Variants in MAML3 observed in about 807,000 individuals in gnomAD.
The protein encoded by MAML3 is mastermind like transcriptional coactivator 3.
MAML3 carries 27 observed loss-of-function variants against 101.9 expected under a neutral mutation model. The ratio of observed to expected loss-of-function variants is 0.27; its 90% CI spans 0.20 to 0.37. The LOEUF (loss-of-function observed/expected upper bound fraction) is 0.37. Ranked by LOEUF, MAML3 falls within the 10% of genes least tolerant of loss-of-function variation. MAML3 has a pLI of 1.00. For missense variants in MAML3, 1,316 were observed against 1,444.9 expected (o/e 0.91, Z 1.45); for synonymous variants, 501 against 555.9 (o/e 0.90, Z 1.39).
At chr4:139,823,788 G>A (rs1033620735) in intron 2 of MAML3, among the ~76,000 whole-genome samples, 3 of 150,268 alleles carry the variant, frequency 2.0e-5, no homozygotes, top group African/African-American at 7.4e-5. Context: ...TTTTTTATCC[G>A]CTCACAGATT....
intron 1 of MAML3, among the ~76,000 whole-genome samples, chr4:140,013,525 A>C (rs913483845): frequency 1.3e-5 from 2 of 152,232 alleles, no homozygotes; most frequent in African/African-American, 4.8e-5. Context: ...TTTTCAAGAA[A>C]AAATATACAC....
At chr4:139,929,338 A>G (rs1733332313) in intron 1 of MAML3, among the ~76,000 whole-genome samples, 1 of 152,254 alleles carries the variant, frequency 6.6e-6, no homozygotes, top group Admixed American at 6.5e-5. Flanking sequence ...GGTTGCGGTT[A>G]GCCATTGGCA....
At chr4:139,935,595 C>T (rs760564295) in intron 1 of MAML3, among the ~76,000 whole-genome samples, 5 of 150,888 alleles carry the variant, frequency 3.3e-5, no homozygotes, top group East Asian at 1.9e-4. Context: ...CTTTATCTAA[C>T]ACTTATTCTC....
intron 2 of MAML3, among the ~76,000 whole-genome samples, chr4:139,757,435 A>C (rs1415773894): frequency 6.6e-6 from 1 of 152,082 alleles, no homozygotes; most frequent in Non-Finnish European, 1.5e-5. Context: ...GGATCACCTG[A>C]GGTCAGGAGT....
intron 1 of MAML3, among the ~76,000 whole-genome samples, chr4:140,074,503 C>T (rs933744481): frequency 6.6e-6 from 1 of 152,092 alleles, no homozygotes; most frequent in African/African-American, 2.4e-5. Flanking sequence ...TTGTGAGTGC[C>T]AACATGATGC....
chr4:139,781,198 T>C (rs888990553), intron 2 of MAML3, among the ~76,000 whole-genome samples: 9 of 152,104 alleles, frequency 5.9e-5, no homozygotes, highest in Admixed American at 5.9e-4. Flanking sequence ...AAAATAGAGT[T>C]GCAGAGGAAA....
chr4:139,877,670 C>T (rs1245098088), intron 2 of MAML3, among the ~76,000 whole-genome samples: 1 of 152,150 alleles, frequency 6.6e-6, no homozygotes, highest in East Asian at 1.9e-4. Flanking sequence ...TGGCTCAATG[C>T]TGCGAAAACT....
At chr4:139,978,041 G>A (rs1734378620) in intron 1 of MAML3, among the ~76,000 whole-genome samples, 1 of 152,204 alleles carries the variant, frequency 6.6e-6, no homozygotes. Context: ...ACTGATGGGA[G>A]GGGAAGTGGT....
chr4:139,926,845 C>T (rs1362836807), intron 1 of MAML3, among the ~76,000 whole-genome samples: 4 of 152,142 alleles, frequency 2.6e-5, no homozygotes, highest in African/African-American at 9.7e-5. Context: ...AGAACTTCAC[C>T]ATCTTTTCCA....
chr4:140,090,994 A>G (rs12645451), intron 1 of MAML3, among the ~76,000 whole-genome samples: 142,978 of 152,176 alleles, frequency 0.94, 67,798 homozygotes, highest in East Asian at 1. Flanking sequence ...AGGTTGCAGT[A>G]AGCCAAGGTT....
intron 1 of MAML3, among the ~76,000 whole-genome samples, chr4:140,110,081 G>A (rs527273170): frequency 2.6e-4 from 39 of 152,352 alleles, no homozygotes; most frequent in Non-Finnish European, 4.3e-4. Context: ...CCGCCTGTGC[G>A]TGAACTGTCC....
chr4:139,739,559 T>G (rs992078430), intron 2 of MAML3, among the ~76,000 whole-genome samples: 1 of 152,134 alleles, frequency 6.6e-6, no homozygotes, highest in South Asian at 2.1e-4. Flanking sequence ...ATTAAATAAA[T>G]TATGGTACAT....
intron 1 of MAML3, among the ~76,000 whole-genome samples, chr4:140,034,278 ATAAATG>A (rs1210866212): frequency 1.3e-5 from 2 of 152,258 alleles, no homozygotes; most frequent in African/African-American, 4.8e-5. Flanking sequence ...TTAATTCCTT[ATAAATG>A]AACATCTGAT....
At position 139,729,448 on chromosome 4, in the gene MAML3, C is replaced by T. The variant is rs540261643; in HGVS notation, c.2331+968G>A. ...CAGCCTGGTCAACATAGTGCGACCC[C>T]GTCTCTATTTCTTTAAGAAAAAATT... On this transcript the variant is annotated intron_variant, in intron 3 of 4. Transcript: ENST00000509479. Among the ~76,000 whole-genome samples, 18 of 152,202 alleles carry T rather than the reference C, an allele frequency of 1.2e-4. No homozygotes were observed. In the East Asian group the frequency reaches 3.3e-3, roughly 28 times the overall value.
intron 2 of MAML3, among the ~76,000 whole-genome samples, chr4:139,789,371 G>A (rs766237711): frequency 5.3e-5 from 8 of 152,188 alleles, no homozygotes; most frequent in Admixed American, 1.3e-4. Context: ...CACAAAGGGT[G>A]TTGGAGCTGA....
intron 2 of MAML3, among the ~76,000 whole-genome samples, chr4:139,881,771 C>T (rs145408678): frequency 8.5e-5 from 13 of 152,236 alleles, no homozygotes; most frequent in East Asian, 1.9e-4. Flanking sequence ...GTGCGATCTC[C>T]GCTCACTGCA....
At chr4:140,089,361 T>C (rs941624225) in intron 1 of MAML3, among the ~76,000 whole-genome samples, 2 of 152,216 alleles carry the variant, frequency 1.3e-5, no homozygotes, top group Non-Finnish European at 2.9e-5. Flanking sequence ...TTACACATTC[T>C]CCTTAATCCC....
At chr4:140,135,672 G>C (rs1384502830) in intron 1 of MAML3, among the ~76,000 whole-genome samples, 2 of 152,204 alleles carry the variant, frequency 1.3e-5, no homozygotes, top group African/African-American at 4.8e-5. Context: ...ACCCAATGCC[G>C]AGAGAGTTCC....
intron 2 of MAML3, among the ~76,000 whole-genome samples, chr4:139,845,013 T>A (rs1204630629): frequency 6.6e-6 from 1 of 152,210 alleles, no homozygotes; most frequent in Non-Finnish European, 1.5e-5. Context: ...TCTGTCTCTC[T>A]CTCTCTCTCT....
Sources: allele counts gnomAD v4.1 joint callset (sites outside exome capture counted in the v4.1 genomes callset), GRCh38; gene constraint gnomAD v4.1.1; transcripts MANE v1.5; gene names NCBI Gene and HGNC (gene_info 2026-07-23, HGNC 2026-07-21).